CD151: variants seen among roughly 807,000 people sequenced by gnomAD.
The protein encoded by CD151 is CD151 molecule (Raph blood group), also known as CD151 antigen.
A neutral mutation model predicts 34.2 loss-of-function variants in CD151; 20 were observed. The observed-to-expected ratio is 0.58, with a 90% confidence interval of 0.41 to 0.85. The LOEUF (loss-of-function observed/expected upper bound fraction) is 0.85, where lower values mean the gene tolerates loss of function less well. CD151 is among the 40% of genes least tolerant of loss of function. The pLI is 0.00. For missense variants in CD151, 306 were observed against 324.5 expected (o/e 0.94, Z 0.44); for synonymous variants, 157 against 131.7 (o/e 1.19, Z -1.32).
At chr11:834,231 T>C (rs7113433) in intron 1 of CD151, among the ~76,000 whole-genome samples, 10,535 of 152,136 alleles carry the variant, frequency 0.069, 681 homozygotes, top group East Asian at 0.2. Context: ...TGGTGGTGGG[T>C]GCCTGTAATC....
rs1202501188 is a variant in CD151 at position 836,385 on chromosome 11, G to A, written c.219G>A (p.Val73=). ...TGGTGGCGGGCACTGTCGTCATGGT[G>A]ACTGGGGTCTTGGGCTGCTGCGCCA... is the stretch of plus-strand genomic sequence containing the variant. The part of the protein sequence containing the change: ...ILVVAGTVVM[V]TGVLGCCATF... The change falls in exon 4 of 9, where the codon GTG becomes GTA. Residue 73 remains valine (V), a synonymous_variant. Transcript: ENST00000397420. 1.2e-6 allele frequency: 2 copies of A among 1,612,306 alleles called. No homozygotes were observed. The highest frequency in any genetic ancestry group is 1.3e-5 in the African/African-American group (1 of 74,940).
intron 1 of CD151, among the ~76,000 whole-genome samples, chr11:833,626 C>A (rs1304073692): frequency 6.6e-6 from 1 of 152,212 alleles, no homozygotes; most frequent in Non-Finnish European, 1.5e-5. Context: ...AAGGCCCTTT[C>A]CCAGGGGGTC....
chr11:837,659 TGGTG>T, intron 7 of CD151, 41 bp downstream of exon 7: 2 of 1,527,304 alleles, frequency 1.3e-6, no homozygotes, highest in African/African-American at 1.6e-5. Context: ...GTCTACGAGG[TGGTG>T]GGGGGGCACC....
chr11:834,933 T>G (rs1170204818), intron 2 of CD151: 1 of 152,364 alleles, frequency 6.6e-6, no homozygotes, highest in Non-Finnish European at 1.5e-5. Context: ...TAAACAGGCC[T>G]GGAGAGCTTA....
chr11:833,662 G>A (rs974045853), intron 1 of CD151, among the ~76,000 whole-genome samples: 1 of 152,190 alleles, frequency 6.6e-6, no homozygotes, highest in Non-Finnish European at 1.5e-5. Flanking sequence ...TTCCTGGGAA[G>A]AGGGGCCACT....
chr11:837,955 C>T lies in CD151; in HGVS notation c.629C>T (p.Thr210Ile). 1 of 1,612,840 alleles carries T rather than the reference C, an allele frequency of 6.2e-7. No homozygotes were observed. Among genetic ancestry groups the T allele is most frequent in the Non-Finnish European group, 8.5e-7 (1 of 1,179,700 alleles). Residue 210 changes from threonine to isoleucine, a missense_variant, in exon 8 of 9, where the codon ACC becomes ATC. Thr to Ile is a moderately conservative substitution (Grantham distance 89). Transcript: ENST00000397420. The stretch of plus-strand genomic sequence containing the variant: ...CGCGCCCCGCAGGGCGGCTGCATCA[C>T]CAAGTTGGAGACCTTCATCCAGGAG... ...NIYKVEGGCI[T>I]KLETFIQEHL...
At chr11:836,652 C>T in intron 4 of CD151, 117 bp from the exon 5 acceptor site, 1 of 1,018,042 alleles carries the variant, frequency 9.8e-7, no homozygotes, top group Non-Finnish European at 1.5e-6. Flanking sequence ...GGGAGGGTGG[C>T]CGCCCCTCAG....
intron 1 of CD151, among the ~76,000 whole-genome samples, chr11:834,293 A>C (rs1250211350): frequency 1.3e-5 from 2 of 152,164 alleles, no homozygotes; most frequent in East Asian, 3.8e-4. Flanking sequence ...CAGGAGGCGG[A>C]GGTTGCAGTG....
Position 837,437 on chromosome 11 carries a change from C to T in CD151, c.457-23C>T, listed in dbSNP as rs373460769. On this transcript the variant is annotated intron_variant, in intron 6 of 8. Coordinates refer to ENST00000397420, the MANE Select transcript of CD151 (RefSeq NM_004357.5). ...AGGAGCCTCTGGCCCCAGGTCTCAA[C>T]CCCAGCCTTGTTCTTGATGCAGTTC... The T allele has an allele frequency of 8.1e-6, 13 of 1,612,260 alleles. No individual in the cohort carries two copies. The African/African-American group carries it at 1.3e-4, about 17-fold the overall frequency.
rs1371190158 is a variant in CD151 at position 835,970 on chromosome 11, A to T, written c.-7-93A>T. The T allele has an allele frequency of 6.6e-6, 5 of 752,482 alleles. No homozygotes were observed. In the Admixed American group the frequency reaches 9.8e-5, roughly 15 times the overall value. The allele number at this position is 752,482 out of a possible 1,614,324, so 46.6% of individuals were successfully genotyped here. ...CCAAAGTGCTGGGATTACAGGCGTGAGCCACCGCGCCTGGCCCTGTGTCCC... is the reference window on the plus strand; with the variant it reads ...CCAAAGTGCTGGGATTACAGGCGTGTGCCACCGCGCCTGGCCCTGTGTCCC... On this transcript the variant is annotated intron_variant, in intron 2 of 8. Coordinates refer to ENST00000397420, the MANE Select transcript of CD151 (RefSeq NM_004357.5).
chr11:835,907 T>C lies in CD151; in HGVS notation c.-7-156T>C. ...TTTCACCGTGTTAGCCAGGATGGTC[T>C]TGATCTCCTGACCTTGTGATCTGCC... On this transcript the variant is annotated intron_variant, in intron 2 of 8. Coordinates refer to ENST00000397420, the MANE Select transcript of CD151 (RefSeq NM_004357.5). 19 of 627,430 alleles carry C rather than the reference T, an allele frequency of 3.0e-5. 1 individual carries two copies. In the South Asian group the frequency reaches 3.4e-4, roughly 11 times the overall value. 38.9% of individuals were successfully genotyped at this position (627,430 alleles called of 1,614,324 possible).
Position 836,171 on chromosome 11 carries a change from T to TGGC in CD151, c.84+19_84+20insGCG. 1.3e-6 allele frequency: 2 copies of TGGC among 1,563,406 alleles called. No individual in the cohort carries two copies. The highest frequency in any genetic ancestry group is 1.8e-6 in the Non-Finnish European group (2 of 1,135,838). The stretch of plus-strand genomic sequence containing the variant: ...GCTTCTGGGTGAGGAGGGGTCGCCT[T>TGGC]GCCCCCACCCCCACCCCCACCCCTC... On this transcript the variant is annotated intron_variant, in intron 3 of 8. Coordinates refer to ENST00000397420, the MANE Select transcript of CD151 (RefSeq NM_004357.5).
At position 834,943 on chromosome 11, in the gene CD151, A is replaced by G. The variant is rs1450893318; in HGVS notation, c.-8+352A>G. The G allele has an allele frequency of 3.9e-5, 6 of 152,408 alleles. 1 individual carries two copies. The highest frequency in any genetic ancestry group is 3.9e-4 in the Admixed American group (6 of 15,288). The allele number at this position is 152,408 out of a possible 1,614,324, so 9.4% of individuals were successfully genotyped here. ...GACCGTAAACAGGCCTGGAGAGCTT[A>G]GGAAGGGGCTGAGCTGGGGCCTGTC... On this transcript the variant is annotated intron_variant, in intron 2 of 8. Coordinates refer to ENST00000397420, the MANE Select transcript of CD151 (RefSeq NM_004357.5).
intron 1 of CD151, among the ~76,000 whole-genome samples, chr11:833,816 ACCCCG>A (rs1846643847): frequency 2.4e-5 from 2 of 84,154 alleles, no homozygotes; most frequent in African/African-American, 4.0e-5. Context: ...GCAGACGCAC[ACCCCG>A]CCCCCCGGTG....
intron 3 of CD151, 42 bp from the exon 4 acceptor site, chr11:836,209 C>G (rs1565117385): frequency 1.3e-6 from 2 of 1,507,000 alleles, no homozygotes; most frequent in Non-Finnish European, 1.8e-6. Flanking sequence ...GGGCCACCAT[C>G]AGACCTGGGC....
In CD151 at chr11:838,354, G is replaced by C; in HGVS notation, c.*162G>C. The C allele has an allele frequency of 6.9e-6, 4 of 582,628 alleles. No homozygotes were observed. Among genetic ancestry groups the C allele is most frequent in the Non-Finnish European group, 9.1e-6 (3 of 327,870 alleles). 36.1% of individuals were successfully genotyped at this position (582,628 alleles called of 1,614,324 possible). A position where few individuals can be genotyped will look rare whatever the true frequency, so the allele number is the denominator to read the frequency against. On this transcript the variant is annotated 3_prime_UTR_variant, in exon 9 of 9. Transcript: ENST00000397420. ...CAAGTGCCTTTTGCTGCGCACCAAT[G>C]CCCAGCAGGGGAGGTGAGGGGGGCT...
In CD151 at chr11:837,476, G is replaced by A; in HGVS notation, c.473G>A (p.Ser158Asn). 2 of 1,612,962 alleles carry A rather than the reference G, an allele frequency of 1.2e-6. No homozygotes were observed. Among genetic ancestry groups the A allele is most frequent in the African/African-American group, 1.3e-5 (1 of 75,060 alleles). ...QLQQEFHCCG[S>N]NNSQDWRDSE... ...TTGATGCAGTTCCACTGCTGTGGCA[G>A]CAACAACTCACAGGACTGGCGAGAC... is the stretch of plus-strand genomic sequence containing the variant. Residue 158 changes from serine (S) to asparagine (N), a missense_variant, in exon 7 of 9, where the codon AGC becomes AAC. Ser to Asn is a conservative substitution (Grantham distance 46). Transcript: ENST00000397420.
At chr11:835,350 T>C in intron 2 of CD151, 1 of 152,464 alleles carries the variant, frequency 6.6e-6, no homozygotes, top group Non-Finnish European at 1.5e-5. Flanking sequence ...CTTTTTTTTC[T>C]TTTTTATTGA....
At chr11:833,588 T>C (rs1372017760) in intron 1 of CD151, among the ~76,000 whole-genome samples, 1 of 152,174 alleles carries the variant, frequency 6.6e-6, no homozygotes, top group East Asian at 1.9e-4. Flanking sequence ...TCCCGGGGAC[T>C]TGGGGAGGAA....
Sources: allele counts gnomAD v4.1 joint callset (sites outside exome capture counted in the v4.1 genomes callset), GRCh38; gene constraint gnomAD v4.1.1; transcripts MANE v1.5; gene names NCBI Gene and HGNC (gene_info 2026-07-23, HGNC 2026-07-21).